BRD4: variants seen among roughly 807,000 people sequenced by gnomAD.
BRD4 encodes the protein bromodomain containing 4, also known as bromodomain-containing protein 4.
BRD4 carries 16 observed loss-of-function variants against 142.1 expected under a neutral mutation model. That is an observed-to-expected ratio of 0.11 (90% confidence interval 0.08 to 0.17). The LOEUF (loss-of-function observed/expected upper bound fraction) is 0.17. Ranked by LOEUF, BRD4 falls within the 10% of genes least tolerant of loss-of-function variation. The probability of loss-of-function intolerance (pLI) is 1.00; values close to 1 mark genes in which losing one functional copy is unlikely to be tolerated. For synonymous variants in BRD4, 833 were observed against 707.5 expected, an observed-to-expected ratio of 1.18 and a Z score of -2.82; for missense variants, 1,424 against 1,810.9, an observed-to-expected ratio of 0.79 and a Z score of 3.88.
At chr19:15,301,683 A>C (rs1408492913) in intron 1 of BRD4, among the ~76,000 whole-genome samples, 2 of 151,776 alleles carry the variant, frequency 1.3e-5, no homozygotes, top group Non-Finnish European at 2.9e-5. Context: ...AACACAGTGA[A>C]ACCTCATCTC....
At position 15,306,956 on chromosome 19, in the gene BRD4, TG is replaced by T. The variant is rs922383398; in HGVS notation, c.-35+25333del. Among the ~76,000 whole-genome samples, 308 of 152,294 alleles carry T rather than the reference TG, an allele frequency of 2.0e-3. 2 individuals are homozygous for T. The highest frequency in any genetic ancestry group is 7.2e-3 in the African/African-American group (299 of 41,562). On this transcript the variant is annotated intron_variant, in intron 1 of 19. Transcript: ENST00000679869. ...TGGCACTGATAAAAGACTTGCTCAATGCAGGGTCACCACAAATTCTCAATTT... is the reference window on the plus strand; with the variant it reads ...TGGCACTGATAAAAGACTTGCTCAATCAGGGTCACCACAAATTCTCAATTT...
intron 1 of BRD4, among the ~76,000 whole-genome samples, chr19:15,327,096 T>C (rs1046730889): frequency 1.2e-4 from 18 of 152,182 alleles, no homozygotes; most frequent in African/African-American, 4.3e-4. Flanking sequence ...AAACAGTTAC[T>C]CAGTATCCCA....
At chr19:15,327,262 G>A (rs1227375540) in intron 1 of BRD4, among the ~76,000 whole-genome samples, 1 of 152,194 alleles carries the variant, frequency 6.6e-6, no homozygotes, top group African/African-American at 2.4e-5. Context: ...CAAAAGGCCA[G>A]GCGCGGTGGC....
intron 1 of BRD4, among the ~76,000 whole-genome samples, chr19:15,301,729 T>C (rs571415424): frequency 2.0e-5 from 3 of 151,310 alleles, no homozygotes; most frequent in African/African-American, 4.9e-5. Context: ...GGCATGGTGG[T>C]GGGCGCCTGT....
intron 11 of BRD4, among the ~76,000 whole-genome samples, chr19:15,245,285 C>T (rs959637997): frequency 1.3e-5 from 2 of 152,112 alleles, no homozygotes; most frequent in African/African-American, 4.8e-5. Context: ...CCACTCCTTT[C>T]CATCCTCCAA....
chr19:15,266,537 G>A (rs1158253538), intron 4 of BRD4, among the ~76,000 whole-genome samples: 1 of 152,210 alleles, frequency 6.6e-6, no homozygotes, highest in Non-Finnish European at 1.5e-5. Flanking sequence ...GTCCCAGGGA[G>A]TGAGGACCAA....
chr19:15,306,494 C>T (rs2047915112), intron 1 of BRD4, among the ~76,000 whole-genome samples: 1 of 152,114 alleles, frequency 6.6e-6, no homozygotes, highest in Admixed American at 6.6e-5. Context: ...TGGTCTCAAA[C>T]TCTTGTCCTC....
chr19:15,263,430 C>T lies in BRD4; in HGVS notation c.1331G>A (p.Arg444His), dbSNP rs756398087. 9.3e-6 allele frequency: 15 copies of T among 1,613,840 alleles called. No homozygotes were observed. The highest frequency in any genetic ancestry group is 1.3e-5 in the Non-Finnish European group (15 of 1,179,896). The part of the protein sequence containing the change: ...PPDHEVVAMA[R>H]KLQDVFEMRF... ...CCTCCCAAGCCTCACCTGGAGCTTG[C>T]GGGCCATGGCCACCACCTCATGGTC... The change falls in exon 7 of 20, where the codon CGC becomes CAC. Residue 444 changes from arginine (R) to histidine (H), a missense_variant. This residue lies in a region of BRD4 where 22 missense variants were observed against 49.5 expected (regional missense o/e 0.44). Coordinates refer to ENST00000679869, the MANE Select transcript of BRD4 (RefSeq NM_001379291.1).
At chr19:15,275,672 A>C (rs369879524) in intron 1 of BRD4, 3 of 152,300 alleles carry the variant, frequency 2.0e-5, no homozygotes, top group African/African-American at 7.2e-5. Flanking sequence ...AGCTACCAGT[A>C]CCCCAAAGTT....
chr19:15,294,692 G>C (rs563041905), intron 1 of BRD4, among the ~76,000 whole-genome samples: 20 of 152,344 alleles, frequency 1.3e-4, no homozygotes, highest in African/African-American at 4.3e-4. Flanking sequence ...TCCCAGGGAA[G>C]AATGTTGTAA....
intron 1 of BRD4, among the ~76,000 whole-genome samples, chr19:15,316,180 AG>A (rs1208757338): frequency 4.0e-5 from 6 of 150,354 alleles, no homozygotes; most frequent in African/African-American, 9.8e-5. Flanking sequence ...AAAAAAAAAA[AG>A]ACTGAGAAGC....
chr19:15,242,826 C>T, intron 14 of BRD4, 74 bp downstream of exon 14: 1 of 1,547,244 alleles, frequency 6.5e-7, no homozygotes, highest in South Asian at 1.2e-5. Flanking sequence ...TGAGTTAACC[C>T]TTCTGGCTTC....
At position 15,235,868 on chromosome 19, in the gene BRD4, C is replaced by CTTT. The variant is rs1330708471; in HGVS notation, c.*2508_*2509insAAA. ...GGAGAAGGCCATGGCTGAGTTAAATCTTCAGCAGGAAGCTGCAGAGAAAAC... is the reference window on the plus strand; with the variant it reads ...GGAGAAGGCCATGGCTGAGTTAAATCTTTTTCAGCAGGAAGCTGCAGAGAAAAC... On this transcript the variant is annotated 3_prime_UTR_variant, in exon 20 of 20. Coordinates refer to ENST00000679869, the MANE Select transcript of BRD4 (RefSeq NM_001379291.1). 6.6e-6 allele frequency: 1 copy of CTTT among 152,200 alleles called. No individual in the cohort carries two copies. The highest frequency in any genetic ancestry group is 1.5e-5 in the Non-Finnish European group (1 of 68,004). 9.4% of individuals were successfully genotyped at this position (152,200 alleles called of 1,614,324 possible). A position where few individuals can be genotyped will look rare whatever the true frequency, so the allele number is the denominator to read the frequency against.
At chr19:15,251,621 G>A (rs545129956) in intron 11 of BRD4, among the ~76,000 whole-genome samples, 100 of 152,092 alleles carry the variant, frequency 6.6e-4, no homozygotes, top group African/African-American at 2.0e-3. Flanking sequence ...AAGGAGCTAC[G>A]CCCCCTCTGC....
intron 1 of BRD4, among the ~76,000 whole-genome samples, chr19:15,294,709 G>T (rs1255427294): frequency 1.3e-5 from 2 of 152,202 alleles, no homozygotes; most frequent in African/African-American, 4.8e-5. Flanking sequence ...GTAAATGATG[G>T]CTGGGTGCCA....
rs2047206138 is a variant in BRD4 at position 15,237,874 on chromosome 19, G to C, written c.*503C>G. ...AAGGCAAAGTCAGTGCCAGCGAGGGGGTGGGCCGGCCTCGCCCGCCTCCAG... is the reference window on the plus strand; with the variant it reads ...AAGGCAAAGTCAGTGCCAGCGAGGGCGTGGGCCGGCCTCGCCCGCCTCCAG... On this transcript the variant is annotated 3_prime_UTR_variant, in exon 20 of 20. Transcript: ENST00000679869. 2 of 238,110 alleles carry C rather than the reference G, an allele frequency of 8.4e-6. No individual in the cohort carries two copies. Among genetic ancestry groups the C allele is most frequent in the Non-Finnish European group, 1.6e-5 (2 of 121,400 alleles). The allele number at this position is 238,110 out of a possible 1,614,324, so 14.7% of individuals were successfully genotyped here. A position where few individuals can be genotyped will look rare whatever the true frequency, so the allele number is the denominator to read the frequency against.
intron 1 of BRD4, among the ~76,000 whole-genome samples, chr19:15,289,535 G>C (rs565406032): frequency 6.6e-6 from 1 of 152,062 alleles, no homozygotes; most frequent in South Asian, 2.1e-4. Context: ...TGGGCAACAA[G>C]AGCGAAACTC....
At chr19:15,254,502 T>C (rs1015155718) in intron 10 of BRD4, among the ~76,000 whole-genome samples, 2 of 152,146 alleles carry the variant, frequency 1.3e-5, no homozygotes, top group Non-Finnish European at 2.9e-5. Flanking sequence ...AAAAGTCTCC[T>C]TTGGGGGGTT....
Position 15,238,855 on chromosome 19 carries a change from G to C in BRD4, c.3908C>G (p.Ala1303Gly), listed in dbSNP as rs200976853. 1 of 1,601,432 alleles carries C rather than the reference G, an allele frequency of 6.2e-7. No individual in the cohort carries two copies. Among genetic ancestry groups the C allele is most frequent in the Non-Finnish European group, 8.5e-7 (1 of 1,174,684 alleles). The change falls in exon 19 of 20, where the codon GCG becomes GGG. Residue 1303 changes from alanine to glycine, a missense_variant. Ala to Gly is a moderately conservative substitution (Grantham distance 60, BLOSUM62 0). Around this residue, in one of 16 missense-constraint regions of BRD4, gnomAD observed 109 missense variants for 117.9 expected, o/e 0.92. Transcript: ENST00000679869. This position sits in a 1 kb window ranked among gnomAD's most constrained non-coding sequence, Gnocchi z 7.2. Reference sequence around the variant, plus strand: ...CTGTGGGGTGGCGGCGGCAGCCACCGCAGCTGCTTGCTGTTGCTGCTGCTG... The same window carrying C: ...CTGTGGGGTGGCGGCGGCAGCCACCCCAGCTGCTTGCTGTTGCTGCTGCTG... ...QQQQQQQQAA[A>G]VAAAATPQAQ...
Sources: gnomAD v4.1 joint callset for allele counts (sites outside exome capture counted in the v4.1 genomes callset) on GRCh38, gnomAD v4.1.1 for gene constraint, gnomAD v4.1.1 regional missense constraint, Gnocchi (gnomAD v3.1) non-coding constraint, MANE v1.5 for transcripts, NCBI Gene and HGNC (gene_info 2026-07-23, HGNC 2026-07-21) for gene names.